Variants in STIM2 observed in about 807,000 individuals in gnomAD.
STIM2 encodes stromal interaction molecule 2.
In STIM2, 31 loss-of-function variants were observed where a neutral mutation model predicts 85.8. The observed-to-expected ratio is 0.36, with a 90% CI of 0.27 to 0.49. The LOEUF (loss-of-function observed/expected upper bound fraction) is 0.49, where lower values mean the gene tolerates loss of function less well. Among genes scored for constraint, STIM2 ranks in the 20% least tolerant of loss-of-function variants. The probability of loss-of-function intolerance (pLI) is 0.98; values close to 1 mark genes in which losing one functional copy is unlikely to be tolerated. For synonymous variants in STIM2, 356 were observed against 331.1 expected (o/e 1.08, Z -0.82); for missense variants, 841 against 927.6 (o/e 0.91, Z 1.21).
At chr4:27,014,337 G>T (rs1345690881) in intron 10 of STIM2, among the ~76,000 whole-genome samples, 1 of 151,730 alleles carries the variant, frequency 6.6e-6, no homozygotes, top group Non-Finnish European at 1.5e-5. Context: ...AACCACCTTA[G>T]CCACCTCCAC....
Position 26,946,464 on chromosome 4 carries a change from C to CA in STIM2, c.283-11146dup, listed in dbSNP as rs200347141. Among the ~76,000 whole-genome samples the CA allele has an allele frequency of 9.5e-3, 1,453 of 152,288 alleles. 25 individuals are homozygous for CA. Among genetic ancestry groups the CA allele is most frequent in the African/African-American group, 0.033 (1,388 of 41,560 alleles). ...GAAGAATCTGATGAGTGGAACTGCT[C>CA]AAGTCATAGCTTTGACTCTTACTTC... On this transcript the variant is annotated intron_variant, in intron 2 of 11. Coordinates refer to ENST00000467087, the MANE Select transcript of STIM2 (RefSeq NM_020860.4).
intron 1 of STIM2, among the ~76,000 whole-genome samples, chr4:26,901,290 C>G (rs1406267224): frequency 6.6e-6 from 1 of 151,940 alleles, no homozygotes; most frequent in Non-Finnish European, 1.5e-5. Context: ...CTAAATTTGT[C>G]AAGTGTTTTG....
At chr4:26,923,556 C>T (rs1418813224) in intron 2 of STIM2, among the ~76,000 whole-genome samples, 3 of 140,824 alleles carry the variant, frequency 2.1e-5, no homozygotes, top group Admixed American at 7.3e-5. Context: ...CAACCGGTAC[C>T]AGCCGCTGCA....
intron 1 of STIM2, among the ~76,000 whole-genome samples, chr4:26,887,968 G>A (rs1228901123): frequency 6.6e-6 from 1 of 152,226 alleles, no homozygotes; most frequent in Non-Finnish European, 1.5e-5. Flanking sequence ...GGCAGGCGAT[G>A]ATGCTGCAGT....
chr4:26,870,429 T>G (rs1722572515), intron 1 of STIM2, among the ~76,000 whole-genome samples: 1 of 152,222 alleles, frequency 6.6e-6, no homozygotes, highest in South Asian at 2.1e-4. Context: ...TTTGTCATTA[T>G]GCCTTACTGA....
At chr4:27,021,088 T>C in intron 11 of STIM2, 3 of 1,526,334 alleles carry the variant, frequency 2.0e-6, no homozygotes, top group Non-Finnish European at 1.8e-6. Flanking sequence ...ATGTGATCCC[T>C]GTTCTTTAAT....
intron 2 of STIM2, among the ~76,000 whole-genome samples, chr4:26,933,098 G>A (rs948836964): frequency 4.6e-5 from 7 of 151,522 alleles, no homozygotes; most frequent in African/African-American, 1.7e-4. Flanking sequence ...GAGGTAAGAG[G>A]TCTCTGTACC....
chr4:26,901,274 C>G (rs1723909497), intron 1 of STIM2, among the ~76,000 whole-genome samples: 1 of 152,090 alleles, frequency 6.6e-6, no homozygotes, highest in Non-Finnish European at 1.5e-5. Context: ...GTAACACCAT[C>G]AAATGCTAAA....
intron 3 of STIM2, among the ~76,000 whole-genome samples, chr4:26,960,809 A>G (rs1726426581): frequency 1.3e-5 from 2 of 152,188 alleles, no homozygotes; most frequent in South Asian, 4.1e-4. Context: ...TCATGCCTGT[A>G]ATCCAGCACT....
chr4:26,979,427 G>A (rs1369635848), intron 3 of STIM2, among the ~76,000 whole-genome samples: 2 of 152,184 alleles, frequency 1.3e-5, no homozygotes, highest in Non-Finnish European at 2.9e-5. Context: ...TCACACTTCA[G>A]TAATATCTAA....
chr4:26,887,433 G>A (rs958241743), intron 1 of STIM2, among the ~76,000 whole-genome samples: 6 of 151,958 alleles, frequency 3.9e-5, no homozygotes, highest in Middle Eastern at 3.2e-3. Flanking sequence ...GAACTTCTCC[G>A]GTGTATCCCT....
intron 1 of STIM2, among the ~76,000 whole-genome samples, chr4:26,919,018 T>C (rs1230068246): frequency 2.0e-5 from 3 of 152,172 alleles, no homozygotes; most frequent in African/African-American, 7.2e-5. Flanking sequence ...AAGGGTCATG[T>C]GACTATTTTA....
At chr4:26,873,395 G>A (rs763808380) in intron 1 of STIM2, among the ~76,000 whole-genome samples, 4 of 149,784 alleles carry the variant, frequency 2.7e-5, no homozygotes, top group Admixed American at 2.7e-4. Flanking sequence ...GTGAGACTCC[G>A]TCTTTAAAAA....
intron 10 of STIM2, among the ~76,000 whole-genome samples, chr4:27,014,444 A>T (rs1468800062): frequency 6.6e-6 from 1 of 151,634 alleles, no homozygotes; most frequent in Non-Finnish European, 1.5e-5. Context: ...ATCTAGAAGC[A>T]TATGTTTTAA....
At chr4:26,968,809 G>A (rs964672719) in intron 3 of STIM2, among the ~76,000 whole-genome samples, 1 of 152,140 alleles carries the variant, frequency 6.6e-6, no homozygotes, top group Non-Finnish European at 1.5e-5. Flanking sequence ...AATTTTAAAT[G>A]GGTAGTCTGA....
chr4:26,960,351 G>A (rs1726400265), intron 3 of STIM2, among the ~76,000 whole-genome samples: 1 of 151,996 alleles, frequency 6.6e-6, no homozygotes, highest in Non-Finnish European at 1.5e-5. Context: ...TATACAGAAA[G>A]TGTGTATGTT....
At chr4:26,881,447 C>T (rs1723011030) in intron 1 of STIM2, 1 of 145,102 alleles carries the variant, frequency 6.9e-6, no homozygotes, top group Non-Finnish European at 1.5e-5. Flanking sequence ...GCCTGGGCAA[C>T]ACAGTGAGAC....
At chr4:26,966,293 A>G (rs577615033) in intron 3 of STIM2, among the ~76,000 whole-genome samples, 5 of 152,224 alleles carry the variant, frequency 3.3e-5, no homozygotes, top group East Asian at 3.9e-4. Flanking sequence ...TCCTTTATCC[A>G]TCTTTGTTTT....
At position 26,861,032 on chromosome 4, in the gene STIM2, G is replaced by C; in HGVS notation, c.-187G>C. 1 of 1,220,434 alleles carries C rather than the reference G, an allele frequency of 8.2e-7. No homozygotes were observed. The highest frequency in any genetic ancestry group is 1.0e-6 in the Non-Finnish European group (1 of 977,158). The allele number at this position is 1,220,434 out of a possible 1,614,324, so 75.6% of individuals were successfully genotyped here. A position where few individuals can be genotyped will look rare whatever the true frequency, so the allele number is the denominator to read the frequency against. On this transcript the variant is annotated 5_prime_UTR_variant, in exon 1 of 12. Coordinates refer to ENST00000467087, the MANE Select transcript of STIM2 (RefSeq NM_020860.4). ...CCAGGCTGGCGCCCGGCGGGAGCCC[G>C]TGTCTGAGGCGGCGGGGGCGGCCGG...
Sources: allele counts gnomAD v4.1 joint callset (sites outside exome capture counted in the v4.1 genomes callset), GRCh38; gene constraint gnomAD v4.1.1; transcripts MANE v1.5; gene names NCBI Gene and HGNC (gene_info 2026-07-23, HGNC 2026-07-21).